MERTK: variants seen among roughly 807,000 people sequenced by gnomAD.
The protein encoded by MERTK is tyrosine-protein kinase Mer.
MERTK carries 69 observed loss-of-function variants against 99.3 expected under a neutral mutation model. The observed-to-expected ratio is 0.70, with a 90% CI of 0.57 to 0.85. The LOEUF (loss-of-function observed/expected upper bound fraction) is 0.85, where lower values mean the gene tolerates loss of function less well. Among genes scored for constraint, MERTK ranks in the 40% least tolerant of loss-of-function variants. The pLI, the probability that MERTK is intolerant of heterozygous loss-of-function variation, is 0.00. For missense variants in MERTK, 1,125 were observed against 1,249.4 expected (o/e 0.90, Z 1.50); for synonymous variants, 426 against 467.6 (o/e 0.91, Z 1.15).
rs1323176579 is a variant in MERTK at position 112,028,648 on chromosome 2, G to A, written c.2784G>A (p.Arg928=). 1 of 1,614,068 alleles carries A rather than the reference G, an allele frequency of 6.2e-7. No homozygotes were observed. The highest frequency in any genetic ancestry group is 1.3e-5 in the African/African-American group (1 of 74,916). The stretch of plus-strand genomic sequence containing the variant: ...ATGACAGCAAACCTCATGAAGGACG[G>A]TACATCCTGAATGGGGGCAGTGAGG... ...EVHDSKPHEG[R]YILNGGSEEW... Residue 928 remains arginine (R), a synonymous_variant, in exon 19 of 19, where the codon CGG becomes CGA. Transcript: ENST00000295408.
At chr2:112,022,478 G>A (rs772003704) in intron 18 of MERTK, 84 bp downstream of exon 18, 11 of 1,592,546 alleles carry the variant, frequency 6.9e-6, no homozygotes, top group Non-Finnish European at 9.5e-6. Flanking sequence ...CACAGCCATG[G>A]GAGGGGAAAG....
At chr2:111,913,771 A>G (rs925435978) in intron 1 of MERTK, among the ~76,000 whole-genome samples, 1 of 151,980 alleles carries the variant, frequency 6.6e-6, no homozygotes, top group Admixed American at 6.6e-5. Flanking sequence ...CTGGTGTTGA[A>G]CTCCTGACTT....
At chr2:111,939,403 G>A (rs1044042546) in intron 2 of MERTK, among the ~76,000 whole-genome samples, 1 of 151,940 alleles carries the variant, frequency 6.6e-6, no homozygotes, top group Admixed American at 6.6e-5. Flanking sequence ...TCTCCATACT[G>A]CCACATTGGG....
intron 18 of MERTK, chr2:112,022,704 A>T: frequency 1.9e-6 from 1 of 532,632 alleles, no homozygotes. Context: ...TAGGAAATAT[A>T]TCCACAGATA....
chr2:111,928,025 T>C (rs942724405), intron 1 of MERTK, among the ~76,000 whole-genome samples: 3 of 152,208 alleles, frequency 2.0e-5, no homozygotes, highest in African/African-American at 4.8e-5. Context: ...ACAGCTATTA[T>C]GAGCCTTCCC....
chr2:111,968,293 T>C (rs1408877056), intron 6 of MERTK, 41 bp downstream of exon 6: 2 of 1,504,360 alleles, frequency 1.3e-6, no homozygotes, highest in Non-Finnish European at 1.9e-6. Flanking sequence ...TGTTTGGTGC[T>C]CTCTGTGGGT....
intron 4 of MERTK, among the ~76,000 whole-genome samples, chr2:111,961,600 G>A (rs1406990783): frequency 6.6e-6 from 1 of 152,098 alleles, no homozygotes; most frequent in African/African-American, 2.4e-5. Flanking sequence ...TATTTTTGAA[G>A]AAATGAAAGG....
chr2:111,973,126 C>G (rs943026666), intron 6 of MERTK, among the ~76,000 whole-genome samples: 13 of 152,226 alleles, frequency 8.5e-5, no homozygotes, highest in Middle Eastern at 3.4e-3. Flanking sequence ...TGCCTGTTTT[C>G]CCTGAGGACC....
intron 2 of MERTK, among the ~76,000 whole-genome samples, chr2:111,932,434 G>C (rs1326550157): frequency 6.6e-6 from 1 of 152,194 alleles, no homozygotes; most frequent in African/African-American, 2.4e-5. Context: ...ACCCGCCTCA[G>C]CCTCCCAAAG....
At chr2:111,957,196 C>T (rs1052947514) in intron 4 of MERTK, among the ~76,000 whole-genome samples, 2 of 151,904 alleles carry the variant, frequency 1.3e-5, no homozygotes, top group Non-Finnish European at 2.9e-5. Flanking sequence ...GCTGGGATTA[C>T]AGGTGTGAGC....
Position 111,975,451 on chromosome 2 carries a change from C to T in MERTK, c.1123C>T (p.Leu375=), listed in dbSNP as rs1338768476. ...IGWSAVSPWI[L]ASTTEGAPSV... is the part of the protein sequence containing the mutation. ...CTGGTCTGCAGTGAGCCCTTGGATT[C>T]TAGCCAGCACGACTGAAGGAGGTAA... Residue 375 remains leucine, a synonymous_variant, in exon 7 of 19, where the codon CTA becomes TTA. Transcript: ENST00000295408. 2 of 1,614,150 alleles carry T rather than the reference C, an allele frequency of 1.2e-6. No homozygotes were observed. Among genetic ancestry groups the T allele is most frequent in the African/African-American group, 1.3e-5 (1 of 75,030 alleles).
At chr2:111,912,697 G>T (rs1684274435) in intron 1 of MERTK, among the ~76,000 whole-genome samples, 1 of 152,150 alleles carries the variant, frequency 6.6e-6, no homozygotes, top group Non-Finnish European at 1.5e-5. Context: ...CTCAGGGCAG[G>T]TTGCAACTAG....
At chr2:111,943,714 G>T (rs76852916) in intron 2 of MERTK, among the ~76,000 whole-genome samples, 2 of 151,928 alleles carry the variant, frequency 1.3e-5, no homozygotes, top group South Asian at 2.1e-4. Context: ...ATGATGGCTA[G>T]GGCCCCAGAA....
chr2:111,906,218 G>A (rs1251142872), intron 1 of MERTK, among the ~76,000 whole-genome samples: 1 of 152,124 alleles, frequency 6.6e-6, no homozygotes, highest in African/African-American at 2.4e-5. Flanking sequence ...TTTCTGACAG[G>A]TCCCCTTTTT....
At chr2:111,947,986 C>A (rs958039459) in intron 4 of MERTK, among the ~76,000 whole-genome samples, 1 of 151,978 alleles carries the variant, frequency 6.6e-6, no homozygotes, top group African/African-American at 2.4e-5. Context: ...AGTGTGAGCC[C>A]TTGGGGGATT....
At chr2:111,917,963 A>G (rs1006674145) in intron 1 of MERTK, among the ~76,000 whole-genome samples, 2 of 135,814 alleles carry the variant, frequency 1.5e-5, no homozygotes, top group African/African-American at 5.5e-5. Context: ...GCTCAGTGGA[A>G]TTAAATATAT....
chr2:111,989,980 G>A (rs1010809913), intron 8 of MERTK, among the ~76,000 whole-genome samples: 2 of 152,162 alleles, frequency 1.3e-5, no homozygotes, highest in South Asian at 2.1e-4. Flanking sequence ...CAGTTGGCCC[G>A]TGGCATACAC....
intron 7 of MERTK, among the ~76,000 whole-genome samples, chr2:111,975,806 T>C (rs1676235514): frequency 6.6e-6 from 1 of 152,138 alleles, no homozygotes; most frequent in Non-Finnish European, 1.5e-5. Flanking sequence ...GCCACTCCAA[T>C]ATATGTGGGG....
chr2:112,003,127 A>G lies in MERTK; in HGVS notation c.1726A>G (p.Lys576Glu). 1 of 1,603,238 alleles carries G rather than the reference A, an allele frequency of 6.2e-7. No individual in the cohort carries two copies. Among genetic ancestry groups the G allele is most frequent in the Non-Finnish European group, 8.5e-7 (1 of 1,170,368 alleles). Residue 576 changes from lysine (K) to glutamate (E), a missense_variant, in exon 12 of 19, where the codon AAA becomes GAA. Lys to Glu is a moderately conservative substitution (Grantham distance 56, BLOSUM62 1). Coordinates refer to ENST00000295408, the MANE Select transcript of MERTK (RefSeq NM_006343.3). The part of the protein sequence containing the change: ...SLGVSEELQN[K>E]LEDVVIDRNL... ...GGGAGTCAGTGAGGAACTACAAAAT[A>G]AACTAGAAGATGTTGTGATTGACAG... is the stretch of plus-strand genomic sequence containing the variant.
Sources: allele counts gnomAD v4.1 joint callset (sites outside exome capture counted in the v4.1 genomes callset), GRCh38; gene constraint gnomAD v4.1.1; transcripts MANE v1.5; gene names NCBI Gene and HGNC (gene_info 2026-07-23, HGNC 2026-07-21).